ROBO1: variants seen among roughly 807,000 people sequenced by gnomAD.
ROBO1 encodes the protein roundabout guidance receptor 1.
ROBO1 carries 149 observed loss-of-function variants against 195.9 expected under a neutral mutation model. The ratio of observed to expected loss-of-function variants is 0.76; its 90% CI spans 0.67 to 0.87. The LOEUF (loss-of-function observed/expected upper bound fraction) is 0.87, where lower values mean the gene tolerates loss of function less well. Among genes scored for constraint, ROBO1 ranks in the 40% least tolerant of loss-of-function variants. The probability of loss-of-function intolerance (pLI) is 0.00; values close to 1 mark genes in which losing one functional copy is unlikely to be tolerated. For missense variants in ROBO1, 1,933 were observed against 2,068.3 expected, an observed-to-expected ratio of 0.93 and a Z score of 1.27; for synonymous variants, 816 against 733.2, an observed-to-expected ratio of 1.11 and a Z score of -1.82.
chr3:78,608,001 AAT>A (rs1160399488), intron 28 of ROBO1, among the ~76,000 whole-genome samples: 2 of 141,216 alleles, frequency 1.4e-5, no homozygotes, highest in East Asian at 4.2e-4. Context: ...CACTGGTATA[AAT>A]ATATGTTAAT....
intron 2 of ROBO1, among the ~76,000 whole-genome samples, chr3:79,437,234 T>A (rs1333941043): frequency 6.6e-6 from 1 of 151,794 alleles, no homozygotes; most frequent in Non-Finnish European, 1.5e-5. Flanking sequence ...AATGAAAGAC[T>A]GAGATAACTG....
chr3:79,090,181 A>AC (rs1469466306), intron 3 of ROBO1, among the ~76,000 whole-genome samples: 5 of 151,218 alleles, frequency 3.3e-5, no homozygotes, highest in African/African-American at 1.2e-4. Flanking sequence ...CTCGTGATCC[A>AC]CCCGCCTCAG....
intron 4 of ROBO1, among the ~76,000 whole-genome samples, chr3:78,787,966 G>A (rs943837551): frequency 2.8e-5 from 3 of 107,290 alleles, no homozygotes; most frequent in Admixed American, 2.8e-4. Flanking sequence ...TTGATACGGA[G>A]TCTCCCGCTG....
At chr3:79,227,202 A>C (rs114258553) in intron 2 of ROBO1, among the ~76,000 whole-genome samples, 2 of 152,014 alleles carry the variant, frequency 1.3e-5, no homozygotes, top group South Asian at 2.1e-4. Flanking sequence ...CTTCACCTTC[A>C]CTGGCTCCCT....
At chr3:78,885,178 T>C (rs1008993318) in intron 4 of ROBO1, among the ~76,000 whole-genome samples, 1 of 151,958 alleles carries the variant, frequency 6.6e-6, no homozygotes, top group African/African-American at 2.4e-5. Flanking sequence ...AAATACCACA[T>C]GTTCTCACTT....
At chr3:79,257,531 CA>C (rs1235890321) in intron 2 of ROBO1, among the ~76,000 whole-genome samples, 2 of 152,098 alleles carry the variant, frequency 1.3e-5, no homozygotes, top group Non-Finnish European at 1.5e-5. Context: ...TGTTTTGGTA[CA>C]AGTGTGGTTG....
chr3:79,250,485 A>G (rs1490133848), intron 2 of ROBO1, among the ~76,000 whole-genome samples: 2 of 152,170 alleles, frequency 1.3e-5, no homozygotes, highest in Non-Finnish European at 2.9e-5. Context: ...TGATTCTTAG[A>G]AGTTGCCAAA....
chr3:78,848,830 C>T (rs764051289), intron 4 of ROBO1, among the ~76,000 whole-genome samples: 25 of 152,102 alleles, frequency 1.6e-4, no homozygotes, highest in Non-Finnish European at 3.1e-4. Flanking sequence ...ACTCTAGCTG[C>T]CTTGAGAAGA....
chr3:79,433,606 C>A (rs187717137), intron 2 of ROBO1, among the ~76,000 whole-genome samples: 4 of 152,000 alleles, frequency 2.6e-5, no homozygotes, highest in African/African-American at 9.7e-5. Flanking sequence ...GAATCAGTAT[C>A]GTGAAATTGG....
At chr3:79,635,852 C>T (rs1453274188) in intron 1 of ROBO1, among the ~76,000 whole-genome samples, 1 of 152,088 alleles carries the variant, frequency 6.6e-6, no homozygotes. Flanking sequence ...AGCCTAGATT[C>T]CTGTAACCAA....
At chr3:78,805,272 T>G (rs184446785) in intron 4 of ROBO1, among the ~76,000 whole-genome samples, 45 of 152,274 alleles carry the variant, frequency 3.0e-4, no homozygotes, top group Admixed American at 1.6e-3. Flanking sequence ...GTATTTACAC[T>G]TTAAAATATT....
intron 2 of ROBO1, among the ~76,000 whole-genome samples, chr3:79,149,363 T>C (rs2080717803): frequency 6.6e-6 from 1 of 151,980 alleles, no homozygotes; most frequent in African/African-American, 2.4e-5. Flanking sequence ...TCTGCTTATA[T>C]TATCTATCTA....
In ROBO1 at chr3:78,744,752, T is replaced by C. The variant is rs182395747; in HGVS notation, c.657+1991A>G. 2.2e-4 allele frequency among the ~76,000 whole-genome samples: 34 copies of C among 152,274 alleles called. 1 individual carries two copies. In the East Asian group the frequency reaches 5.4e-3, roughly 24 times the overall value. On this transcript the variant is annotated intron_variant, in intron 5 of 30. Coordinates refer to ENST00000464233, the MANE Select transcript of ROBO1 (RefSeq NM_002941.4). Reference sequence around the variant, plus strand: ...TCTCTCTAATCAGCCTATTTAAAATTTCAATCCCACCTGAACCCTAATGAA... The same window carrying C: ...TCTCTCTAATCAGCCTATTTAAAATCTCAATCCCACCTGAACCCTAATGAA...
At chr3:79,213,972 C>T (rs1278656295) in intron 2 of ROBO1, among the ~76,000 whole-genome samples, 8 of 151,590 alleles carry the variant, frequency 5.3e-5, no homozygotes, top group South Asian at 2.1e-4. Flanking sequence ...ATTACGGGTG[C>T]GCACCACCAC....
At chr3:79,289,025 C>T (rs144430036) in intron 2 of ROBO1, among the ~76,000 whole-genome samples, 5 of 149,814 alleles carry the variant, frequency 3.3e-5, no homozygotes, top group African/African-American at 9.8e-5. Flanking sequence ...CAAGAGACTA[C>T]GAAAATTTCA....
chr3:78,622,226 C>T (rs974565251), intron 26 of ROBO1, among the ~76,000 whole-genome samples: 1 of 152,050 alleles, frequency 6.6e-6, no homozygotes, highest in African/African-American at 2.4e-5. Flanking sequence ...CATTATAATA[C>T]CAAAATTGAA....
At chr3:79,266,550 T>G (rs114673788) in intron 2 of ROBO1, among the ~76,000 whole-genome samples, 2 of 151,510 alleles carry the variant, frequency 1.3e-5, no homozygotes, top group South Asian at 2.1e-4. Context: ...TGTAAGAACA[T>G]AGTTGATGTA....
At chr3:79,323,020 T>C (rs1408667405) in intron 2 of ROBO1, among the ~76,000 whole-genome samples, 7 of 152,090 alleles carry the variant, frequency 4.6e-5, no homozygotes, top group Non-Finnish European at 7.4e-5. Context: ...TTCATTTTGT[T>C]ATGTTTTTAA....
At chr3:79,361,225 G>T (rs1359809675) in intron 2 of ROBO1, among the ~76,000 whole-genome samples, 1 of 151,780 alleles carries the variant, frequency 6.6e-6, no homozygotes, top group Admixed American at 6.6e-5. Flanking sequence ...AATGTGTGGG[G>T]TATAACGTAT....
Sources: gnomAD v4.1 joint callset for allele counts (sites outside exome capture counted in the v4.1 genomes callset) on GRCh38, gnomAD v4.1.1 for gene constraint, MANE v1.5 for transcripts, NCBI Gene and HGNC (gene_info 2026-07-23, HGNC 2026-07-21) for gene names.